WDR70: variants seen among roughly 807,000 people sequenced by gnomAD.
The protein encoded by WDR70 is WD repeat domain 70.
A neutral mutation model predicts 88.6 loss-of-function variants in WDR70; 53 were observed. The ratio of observed to expected loss-of-function variants is 0.60; its 90% confidence interval spans 0.48 to 0.75. WDR70 has a LOEUF of 0.75. Ranked by LOEUF, WDR70 falls within the 30% of genes least tolerant of loss-of-function variation. WDR70 has a pLI of 0.00. For synonymous variants in WDR70, 280 were observed against 270.0 expected (o/e 1.04, Z -0.36); for missense variants, 610 against 823.2 (o/e 0.74, Z 3.17).
intron 5 of WDR70, among the ~76,000 whole-genome samples, chr5:37,401,410 G>C (rs533358742): frequency 1.3e-5 from 2 of 151,578 alleles, no homozygotes; most frequent in East Asian, 3.9e-4. Context: ...CCGCCTCCTG[G>C]GTTCAAGCAA....
intron 3 of WDR70, among the ~76,000 whole-genome samples, chr5:37,382,444 G>A (rs563516564): frequency 6.7e-6 from 1 of 150,038 alleles, no homozygotes; most frequent in Non-Finnish European, 1.5e-5. Flanking sequence ...ATGGAGTCTC[G>A]CTTTATTGCT....
chr5:37,448,830 G>A (rs1159572417), intron 7 of WDR70, among the ~76,000 whole-genome samples: 3 of 151,692 alleles, frequency 2.0e-5, no homozygotes, highest in Admixed American at 6.6e-5. Context: ...GTCTTTCATT[G>A]TTTTTCATGA....
intron 5 of WDR70, among the ~76,000 whole-genome samples, chr5:37,431,836 C>G (rs1010541491): frequency 2.6e-5 from 4 of 152,196 alleles, no homozygotes; most frequent in Admixed American, 6.5e-5. Flanking sequence ...ATGTATTTTA[C>G]TTAATATAAT....
At chr5:37,554,448 A>C (rs1742237966) in intron 9 of WDR70, among the ~76,000 whole-genome samples, 1 of 152,112 alleles carries the variant, frequency 6.6e-6, no homozygotes, top group African/African-American at 2.4e-5. Flanking sequence ...AATGGAAATA[A>C]TGTTTTAGAT....
chr5:37,509,793 T>TC (rs1740665059), intron 8 of WDR70, among the ~76,000 whole-genome samples: 1 of 149,344 alleles, frequency 6.7e-6, no homozygotes, highest in Non-Finnish European at 1.5e-5. Flanking sequence ...TAGATTCTTT[T>TC]TTTTTTTTTT....
At chr5:37,724,858 T>C in intron 15 of WDR70, 76 bp from the exon 16 acceptor site, 1 of 1,252,988 alleles carries the variant, frequency 8.0e-7, no homozygotes, top group Admixed American at 1.7e-5. Context: ...ATCTTTCAGT[T>C]AGTCATGCTT....
At chr5:37,415,661 G>A (rs1243307801) in intron 5 of WDR70, among the ~76,000 whole-genome samples, 1 of 149,534 alleles carries the variant, frequency 6.7e-6, no homozygotes. Flanking sequence ...CGGGCGGGGG[G>A]CTGACCCCCC....
intron 17 of WDR70, among the ~76,000 whole-genome samples, chr5:37,747,039 G>T (rs527482108): frequency 1.3e-5 from 2 of 152,014 alleles, no homozygotes; most frequent in Non-Finnish European, 2.9e-5. Context: ...CTGCCAAACC[G>T]AACCCAGCAG....
chr5:37,648,452 C>G (rs1157542789), intron 10 of WDR70, among the ~76,000 whole-genome samples: 1 of 152,028 alleles, frequency 6.6e-6, no homozygotes, highest in African/African-American at 2.4e-5. Context: ...CTATGATTAT[C>G]TCGACATTGA....
At chr5:37,566,037 G>A (rs1476392514) in intron 9 of WDR70, among the ~76,000 whole-genome samples, 1 of 152,038 alleles carries the variant, frequency 6.6e-6, no homozygotes, top group Non-Finnish European at 1.5e-5. Context: ...TACTCACAGA[G>A]TTGTGCAACC....
At chr5:37,719,452 T>C (rs1014065762) in intron 13 of WDR70, among the ~76,000 whole-genome samples, 3 of 152,104 alleles carry the variant, frequency 2.0e-5, no homozygotes, top group African/African-American at 7.2e-5. Context: ...TTATCATCTT[T>C]TAGAACTTGC....
At chr5:37,469,809 GTAAA>G (rs1380390200) in intron 7 of WDR70, among the ~76,000 whole-genome samples, 2 of 152,118 alleles carry the variant, frequency 1.3e-5, no homozygotes, top group African/African-American at 2.4e-5. Flanking sequence ...AAATCTCTAA[GTAAA>G]TAAATAGCCC....
chr5:37,541,647 T>C (rs958775239), intron 9 of WDR70, among the ~76,000 whole-genome samples: 1 of 152,162 alleles, frequency 6.6e-6, no homozygotes, highest in Non-Finnish European at 1.5e-5. Context: ...TTCTAATTCT[T>C]TTTTAAAAAG....
chr5:37,521,491 G>A (rs1301779893), intron 9 of WDR70, among the ~76,000 whole-genome samples: 1 of 151,900 alleles, frequency 6.6e-6, no homozygotes, highest in East Asian at 1.9e-4. Context: ...CTCACCACTC[G>A]CCACCGTTTC....
chr5:37,437,286 T>C (rs1750496167), intron 5 of WDR70, among the ~76,000 whole-genome samples: 2 of 152,202 alleles, frequency 1.3e-5, no homozygotes, highest in South Asian at 2.1e-4. Flanking sequence ...TTTTTAACTT[T>C]GAAGGGTTAA....
chr5:37,497,510 C>A (rs1740267041), intron 8 of WDR70, among the ~76,000 whole-genome samples: 1 of 132,140 alleles, frequency 7.6e-6, no homozygotes, highest in Non-Finnish European at 1.7e-5. Context: ...CCCGTCTCTT[C>A]CCTCTTCCCT....
intron 10 of WDR70, among the ~76,000 whole-genome samples, chr5:37,653,335 A>G (rs981859169): frequency 6.6e-6 from 1 of 152,148 alleles, no homozygotes; most frequent in African/African-American, 2.4e-5. Flanking sequence ...TGCTGGATTC[A>G]GTTTGCCAGT....
intron 10 of WDR70, among the ~76,000 whole-genome samples, chr5:37,688,528 C>T (rs1234124538): frequency 6.6e-6 from 1 of 152,002 alleles, no homozygotes; most frequent in Non-Finnish European, 1.5e-5. Context: ...ACTGCTACCA[C>T]TGTTTATAAG....
intron 9 of WDR70, among the ~76,000 whole-genome samples, chr5:37,538,815 A>G (rs1404173577): frequency 6.6e-6 from 1 of 152,330 alleles, no homozygotes; most frequent in South Asian, 2.1e-4. Flanking sequence ...AGTAAATGTT[A>G]ATGAAAACCA....
Sources: gnomAD v4.1 joint callset for allele counts (sites outside exome capture counted in the v4.1 genomes callset) on GRCh38, gnomAD v4.1.1 for gene constraint, MANE v1.5 for transcripts, NCBI Gene and HGNC (gene_info 2026-07-23, HGNC 2026-07-21) for gene names.